Variants in MASTL observed in about 807,000 individuals in gnomAD.
MASTL encodes the protein serine/threonine-protein kinase greatwall.
Under a neutral mutation model 82.5 loss-of-function variants are expected in MASTL, and 54 were observed. That is an observed-to-expected ratio of 0.65 (90% CI 0.53 to 0.82). The LOEUF is 0.82. Ranked by LOEUF, MASTL falls within the 40% of genes least tolerant of loss-of-function variation. MASTL has a pLI of 0.00. For synonymous variants in MASTL, 323 were observed against 368.9 expected, an observed-to-expected ratio of 0.88 and a Z score of 1.43; for missense variants, 950 against 1,047.8, an observed-to-expected ratio of 0.91 and a Z score of 1.29.
chr10:27,165,977 C>T (rs556954781), intron 6 of MASTL, among the ~76,000 whole-genome samples: 4 of 151,814 alleles, frequency 2.6e-5, no homozygotes, highest in African/African-American at 4.8e-5. Flanking sequence ...GCAGCCGAGG[C>T]GGGCGGATCC....
chr10:27,167,683 GT>G (rs970547941), intron 7 of MASTL, among the ~76,000 whole-genome samples: 35 of 152,160 alleles, frequency 2.3e-4, no homozygotes, highest in African/African-American at 8.4e-4. Flanking sequence ...TCAGTTTCTT[GT>G]TTAATGGAAT....
intron 2 of MASTL, 138 bp downstream of exon 2, chr10:27,158,824 T>C: frequency 2.4e-6 from 2 of 850,410 alleles, no homozygotes; most frequent in Non-Finnish European, 1.9e-6. Flanking sequence ...AATTTACCTG[T>C]TATATTAGTT....
intron 11 of MASTL, among the ~76,000 whole-genome samples, chr10:27,185,574 A>G (rs1485992933): frequency 1.4e-5 from 2 of 145,028 alleles, no homozygotes; most frequent in Non-Finnish European, 3.0e-5. Context: ...CAGAGTTTGC[A>G]GTGAGCCGAG....
chr10:27,183,319 C>T (rs1346666953), intron 11 of MASTL, among the ~76,000 whole-genome samples: 2 of 152,090 alleles, frequency 1.3e-5, no homozygotes, highest in African/African-American at 2.4e-5. Flanking sequence ...CTTGCTCTGT[C>T]ACCAGGCTGC....
In MASTL at chr10:27,173,141, G is replaced by T; in HGVS notation, c.2148G>T (p.Ser716=). 1 of 1,614,030 alleles carries T rather than the reference G, an allele frequency of 6.2e-7. No homozygotes were observed. Among genetic ancestry groups the T allele is most frequent in the Non-Finnish European group, 8.5e-7 (1 of 1,179,998 alleles). ...AGCAGACCCCAAATCAGATCAAGTC[G>T]GGAACTCCATACCGAACTCCGAAGA... ...PHQQTPNQIK[S]GTPYRTPKSV... is the part of the protein sequence containing the mutation. The change falls in exon 9 of 12, where the codon TCG becomes TCT. Residue 716 remains serine, a synonymous_variant. Transcript: ENST00000375940.
At chr10:27,181,141 T>C (rs1158111253) in intron 10 of MASTL, 75 bp downstream of exon 10, 1 of 1,140,074 alleles carries the variant, frequency 8.8e-7, no homozygotes, top group East Asian at 2.4e-5. Context: ...TCCCAGCACT[T>C]TGGGAGGCCA....
intron 3 of MASTL, among the ~76,000 whole-genome samples, chr10:27,160,106 C>T (rs2057518330): frequency 2.6e-5 from 4 of 151,020 alleles, no homozygotes; most frequent in Admixed American, 2.6e-4. Flanking sequence ...AGCAATCCCC[C>T]TGCCTTAGCC....
intron 9 of MASTL, among the ~76,000 whole-genome samples, chr10:27,179,523 C>T (rs12263231): frequency 9.8e-4 from 149 of 152,274 alleles, no homozygotes; most frequent in Middle Eastern, 6.8e-3. Flanking sequence ...CACCACTGCA[C>T]TCCAGTCTGG....
rs186715334 is a variant in MASTL at position 27,174,127 on chromosome 10, G to A, written c.2266+868G>A. Among the ~76,000 whole-genome samples the A allele has an allele frequency of 4.6e-3, 702 of 152,034 alleles. 3 individuals are homozygous for A. Among genetic ancestry groups the A allele is most frequent in the Non-Finnish European group, 7.0e-3 (474 of 67,994 alleles). On this transcript the variant is annotated intron_variant, in intron 9 of 11. Coordinates refer to ENST00000375940, the MANE Select transcript of MASTL (RefSeq NM_001172303.3). ...CCTAGCACTTCGGGAGGCCAAGGCA[G>A]GTGGATCACTTGAGGCCAGGAGTTC...
intron 10 of MASTL, 82 bp downstream of exon 10, chr10:27,181,148 G>C: frequency 9.5e-7 from 1 of 1,048,832 alleles, no homozygotes; most frequent in Non-Finnish European, 1.5e-6. Flanking sequence ...ACTTTGGGAG[G>C]CCAAGGCGGG....
At position 27,180,307 on chromosome 10, in the gene MASTL, C is replaced by T. The variant is rs773861961; in HGVS notation, c.2267-646C>T. On this transcript the variant is annotated intron_variant, in intron 9 of 11. Coordinates refer to ENST00000375940, the MANE Select transcript of MASTL (RefSeq NM_001172303.3). The stretch of plus-strand genomic sequence containing the variant: ...AGGGCTTGCTAGAGATGTTACAGGG[C>T]GGTGCTTGTCCCGGAGAAGGCCGCA... Among the ~76,000 whole-genome samples, 6 of 152,236 alleles carry T rather than the reference C, an allele frequency of 3.9e-5. No homozygotes were observed. The East Asian group carries it at 9.6e-4, about 24-fold the overall frequency.
chr10:27,181,605 G>A, intron 11 of MASTL, 24 bp downstream of exon 11: 1 of 1,524,552 alleles, frequency 6.6e-7, no homozygotes, highest in East Asian at 2.3e-5. Flanking sequence ...TTAATACATT[G>A]TTTTACCATT....
At chr10:27,155,933 A>T (rs779837794) in intron 1 of MASTL, among the ~76,000 whole-genome samples, 1 of 152,214 alleles carries the variant, frequency 6.6e-6, no homozygotes, top group Non-Finnish European at 1.5e-5. Context: ...AGGTGATTAC[A>T]TCGGTCTTAG....
intron 4 of MASTL, among the ~76,000 whole-genome samples, chr10:27,164,102 A>G (rs10829197): frequency 0.6 from 91,654 of 151,890 alleles, 27,937 homozygotes; most frequent in Non-Finnish European, 0.65. Context: ...CACCACACCC[A>G]GCTAATTTTA....
chr10:27,186,553 T>G lies in MASTL; in HGVS notation c.*17T>G. The G allele has an allele frequency of 1.9e-6, 3 of 1,609,100 alleles. No homozygotes were observed. Among genetic ancestry groups the G allele is most frequent in the Non-Finnish European group, 2.6e-6 (3 of 1,175,342 alleles). On this transcript the variant is annotated 3_prime_UTR_variant, in exon 12 of 12. Coordinates refer to ENST00000375940, the MANE Select transcript of MASTL (RefSeq NM_001172303.3). ...AGTCTGTAGCACAAAAATTTTCCTT[T>G]TAGTCTAGCCTTGTGTTATAGAATG...
At chr10:27,158,426 G>C (rs944354404) in intron 1 of MASTL, 123 bp from the exon 2 acceptor site, 1 of 765,814 alleles carries the variant, frequency 1.3e-6, no homozygotes, top group African/African-American at 1.7e-5. Context: ...AGGATAACTT[G>C]AGCCTAGGAA....
At chr10:27,171,145 T>A in intron 8 of MASTL, 62 bp downstream of exon 8, 1 of 1,400,332 alleles carries the variant, frequency 7.1e-7, no homozygotes, top group Non-Finnish European at 1.0e-6. Context: ...AGACAGACAT[T>A]TGCCTCTAAG....
At chr10:27,156,735 G>C (rs1362399582) in intron 1 of MASTL, among the ~76,000 whole-genome samples, 1 of 151,500 alleles carries the variant, frequency 6.6e-6, no homozygotes. Context: ...GGCCAGGCTG[G>C]TCTGGAGCTC....
rs553343882 is a variant in MASTL at position 27,183,606 on chromosome 10, G to A, written c.2482+2025G>A. On this transcript the variant is annotated intron_variant, in intron 11 of 11. Coordinates refer to ENST00000375940, the MANE Select transcript of MASTL (RefSeq NM_001172303.3). ...ATGGTAATATAGAGAAAAGCATTACGTCCCAAAATGCATTTCTTTATCAAG... is the reference window on the plus strand; with the variant it reads ...ATGGTAATATAGAGAAAAGCATTACATCCCAAAATGCATTTCTTTATCAAG... 2.2e-4 allele frequency among the ~76,000 whole-genome samples: 33 copies of A among 152,176 alleles called. No homozygotes were observed. In the South Asian group the frequency reaches 5.0e-3, roughly 23 times the overall value.
Sources: gnomAD v4.1 joint callset for allele counts (sites outside exome capture counted in the v4.1 genomes callset) on GRCh38, gnomAD v4.1.1 for gene constraint, MANE v1.5 for transcripts, NCBI Gene and HGNC (gene_info 2026-07-23, HGNC 2026-07-21) for gene names.